The following KMT2C variants were observed in gnomAD, a reference collection of about 807,000 sequenced individuals.
KMT2C encodes histone-lysine N-methyltransferase 2C.
A neutral mutation model predicts 507.9 loss-of-function variants in KMT2C; 88 were observed. That is an observed-to-expected ratio of 0.17 (90% confidence interval 0.15 to 0.21). The LOEUF (loss-of-function observed/expected upper bound fraction) is 0.21. KMT2C is among the 10% of genes least tolerant of loss of function. The pLI is 1.00. For missense variants in KMT2C, 4,954 were observed against 5,957.8 expected (o/e 0.83, Z 5.55); for synonymous variants, 2,049 against 2,080.8 (o/e 0.98, Z 0.42).
At chr7:152,356,189 T>C (rs2097149718) in intron 2 of KMT2C, among the ~76,000 whole-genome samples, 1 of 152,122 alleles carries the variant, frequency 6.6e-6, no homozygotes, top group Non-Finnish European at 1.5e-5. Context: ...ATTTTTTCAC[T>C]GAAATAAGCA....
At chr7:152,158,284 T>C (rs540553973) in intron 44 of KMT2C, among the ~76,000 whole-genome samples, 1 of 152,356 alleles carries the variant, frequency 6.6e-6, no homozygotes, top group Admixed American at 6.5e-5. Flanking sequence ...AATGTGTTTC[T>C]TTGGATTCAG....
At chr7:152,424,424 T>A (rs1308896750) in intron 1 of KMT2C, among the ~76,000 whole-genome samples, 1 of 152,136 alleles carries the variant, frequency 6.6e-6, no homozygotes, top group Non-Finnish European at 1.5e-5. Flanking sequence ...TAATCTTTTT[T>A]TTGTGTGTGA....
chr7:152,387,222 AT>A (rs1218503021), intron 1 of KMT2C, among the ~76,000 whole-genome samples: 1 of 151,852 alleles, frequency 6.6e-6, no homozygotes, highest in Admixed American at 6.6e-5. Context: ...TATTAAAAAT[AT>A]TAAATATACA....
chr7:152,387,775 TC>T (rs2097445350), intron 1 of KMT2C, among the ~76,000 whole-genome samples: 1 of 151,704 alleles, frequency 6.6e-6, no homozygotes, highest in Non-Finnish European at 1.5e-5. Context: ...CCGGCCTAAT[TC>T]CATTTGTTTT....
intron 49 of KMT2C, 99 bp downstream of exon 49, chr7:152,152,606 T>A (rs923583132): frequency 1.1e-5 from 16 of 1,412,196 alleles, no homozygotes; most frequent in Non-Finnish European, 1.6e-5. Flanking sequence ...GCCAGCATGT[T>A]ACCTGTCCGT....
chr7:152,292,327 C>A (rs116886321), intron 6 of KMT2C, among the ~76,000 whole-genome samples: 55 of 151,324 alleles, frequency 3.6e-4, no homozygotes, highest in Non-Finnish European at 5.8e-4. Context: ...ATATGTGTGG[C>A]GCGCACACAC....
intron 42 of KMT2C, among the ~76,000 whole-genome samples, chr7:152,166,636 A>C (rs2092740780): frequency 6.6e-6 from 1 of 152,186 alleles, no homozygotes; most frequent in Non-Finnish European, 1.5e-5. Flanking sequence ...ACTTCACATA[A>C]GACATACCAA....
chr7:152,331,681 T>C (rs1277827571), intron 2 of KMT2C, among the ~76,000 whole-genome samples: 1 of 133,512 alleles, frequency 7.5e-6, no homozygotes, highest in African/African-American at 2.9e-5. Flanking sequence ...GGAGTCTCGC[T>C]CTGTCCACCC....
chr7:152,142,721 C>T (rs1011031775), intron 55 of KMT2C, among the ~76,000 whole-genome samples: 3 of 152,160 alleles, frequency 2.0e-5, no homozygotes, highest in African/African-American at 7.2e-5. Context: ...TGCAGTTCAT[C>T]AACACTATGG....
intron 9 of KMT2C, among the ~76,000 whole-genome samples, chr7:152,260,482 A>AT (rs949800851): frequency 5.3e-5 from 8 of 152,052 alleles, no homozygotes; most frequent in African/African-American, 1.7e-4. Context: ...AAGTAAATAT[A>AT]TTTTTTTAAA....
rs77944214 is a variant in KMT2C at position 152,185,772 on chromosome 7, T to A, written c.5009-141A>T. The A allele has an allele frequency of 3.9e-3, 2,292 of 589,678 alleles. 47 individuals carry two copies. In the African/African-American group the frequency reaches 0.039, roughly 10 times the overall value. 36.5% of individuals were successfully genotyped at this position (589,678 alleles called of 1,614,324 possible). A position where few individuals can be genotyped will look rare whatever the true frequency, so the allele number is the denominator to read the frequency against. The stretch of plus-strand genomic sequence containing the variant: ...GGTCATAGACCTATATTAAGTTTTT[T>A]ACAAAGAACAAAGATCGTGGCACAC... On this transcript the variant is annotated intron_variant, in intron 33 of 58. Transcript: ENST00000262189.
At chr7:152,341,608 G>C (rs1247229351) in intron 2 of KMT2C, among the ~76,000 whole-genome samples, 2 of 152,252 alleles carry the variant, frequency 1.3e-5, no homozygotes, top group Non-Finnish European at 2.9e-5. Context: ...AGAAGGGAGA[G>C]TGCCAGAACT....
At chr7:152,211,916 C>A (rs1311711063) in intron 23 of KMT2C, among the ~76,000 whole-genome samples, 5 of 152,066 alleles carry the variant, frequency 3.3e-5, no homozygotes, top group Non-Finnish European at 5.9e-5. Context: ...GGCGTGGTGG[C>A]AGGTGCCTGT....
intron 1 of KMT2C, among the ~76,000 whole-genome samples, chr7:152,416,399 G>A (rs2097735990): frequency 6.6e-6 from 1 of 152,294 alleles, no homozygotes; most frequent in Admixed American, 6.5e-5. Flanking sequence ...CAAAAAATTA[G>A]CCGGGCATGG....
At chr7:152,306,405 T>C (rs1259903594) in intron 6 of KMT2C, among the ~76,000 whole-genome samples, 1 of 152,194 alleles carries the variant, frequency 6.6e-6, no homozygotes, top group Non-Finnish European at 1.5e-5. Context: ...TCCACTCCCT[T>C]CTTCTCCCTC....
At chr7:152,170,044 T>G (rs551611147) in intron 40 of KMT2C, among the ~76,000 whole-genome samples, 30 of 152,288 alleles carry the variant, frequency 2.0e-4, no homozygotes, top group Admixed American at 1.8e-3. Flanking sequence ...GTAATAATTA[T>G]AAACTTATAC....
chr7:152,202,831 A>T, intron 26 of KMT2C, 103 bp downstream of exon 26: 1 of 982,052 alleles, frequency 1.0e-6, no homozygotes, highest in Non-Finnish European at 1.5e-6. Context: ...ACAACAAAAC[A>T]AGTAAAACAT....
chr7:152,357,223 T>C (rs933831306), intron 2 of KMT2C, among the ~76,000 whole-genome samples: 10 of 146,514 alleles, frequency 6.8e-5, no homozygotes, highest in African/African-American at 2.6e-4. Flanking sequence ...CAAGACTCTG[T>C]CTCAAAAATA....
Position 152,220,082 on chromosome 7 carries a change from C to G in KMT2C, c.3712+441G>C, listed in dbSNP as rs561985662. 15 of 160,404 alleles carry G rather than the reference C, an allele frequency of 9.4e-5. No homozygotes were observed. In the South Asian group the frequency reaches 2.7e-3, roughly 29 times the overall value. 9.9% of individuals were successfully genotyped at this position (160,404 alleles called of 1,614,324 possible). On this transcript the variant is annotated intron_variant, in intron 23 of 58. Coordinates refer to ENST00000262189, the MANE Select transcript of KMT2C (RefSeq NM_170606.3). ...TCAAGAAAATGTTTATAAACCAATA[C>G]TTTATGATGCACACTGGTGAATATG...
Sources: allele counts gnomAD v4.1 joint callset (sites outside exome capture counted in the v4.1 genomes callset), GRCh38; gene constraint gnomAD v4.1.1; transcripts MANE v1.5; gene names NCBI Gene and HGNC (gene_info 2026-07-23, HGNC 2026-07-21).